Variants in RAB38 observed in about 807,000 individuals in gnomAD.
RAB38 encodes RAB38, member RAS oncogene family, also known as ras-related protein Rab-38.
A neutral mutation model predicts 18.4 loss-of-function variants in RAB38; 15 were observed. The ratio of observed to expected loss-of-function variants is 0.82; its 90% CI spans 0.55 to 1.26. The LOEUF is 1.26. Ranked by LOEUF, RAB38 falls within the 50% of genes most tolerant of loss-of-function variation. The probability of loss-of-function intolerance (pLI) is 0.00; values close to 1 mark genes in which losing one functional copy is unlikely to be tolerated. For synonymous variants in RAB38, 101 were observed against 104.4 expected (o/e 0.97, Z 0.20); for missense variants, 294 against 267.4 (o/e 1.10, Z -0.69).
At chr11:88,119,257 A>G (rs981519711) in intron 2 of RAB38, among the ~76,000 whole-genome samples, 1 of 152,126 alleles carries the variant, frequency 6.6e-6, no homozygotes, top group Non-Finnish European at 1.5e-5. Flanking sequence ...AGGCATGGTG[A>G]TGGGATTCAT....
chr11:88,121,007 C>T (rs1021149730), intron 2 of RAB38, among the ~76,000 whole-genome samples: 1 of 152,200 alleles, frequency 6.6e-6, no homozygotes, highest in African/African-American at 2.4e-5. Context: ...ATCACACAGG[C>T]TACTGAGCCT....
At chr11:88,053,859 T>C in the RAB38 span, among the ~76,000 whole-genome samples, 2 of 151,752 alleles carry the variant, frequency 1.3e-5, no homozygotes, top group African/African-American at 2.4e-5. Context: ...AATGTTTGAA[T>C]GAATAAGATG....
the RAB38 span, among the ~76,000 whole-genome samples, chr11:87,903,993 T>C: frequency 6.6e-6 from 1 of 151,736 alleles, no homozygotes; most frequent in Non-Finnish European, 1.5e-5. Context: ...TTGTGAATTC[T>C]ATGTATTATT....
chr11:88,155,496 A>C (rs977202545), intron 1 of RAB38, among the ~76,000 whole-genome samples: 1 of 152,226 alleles, frequency 6.6e-6, no homozygotes, highest in Non-Finnish European at 1.5e-5. Flanking sequence ...GGAAAGAAAA[A>C]AATAGCAATA....
At chr11:88,100,662 T>C in the RAB38 span, among the ~76,000 whole-genome samples, 1 of 151,978 alleles carries the variant, frequency 6.6e-6, no homozygotes, top group Non-Finnish European at 1.5e-5. Flanking sequence ...GGAAAGTACA[T>C]TTTATTGCCA....
At chr11:88,069,349 C>A in the RAB38 span, among the ~76,000 whole-genome samples, 13 of 152,202 alleles carry the variant, frequency 8.5e-5, no homozygotes, top group Non-Finnish European at 1.6e-4. Flanking sequence ...TGGGCTCCCA[C>A]GTGGCCCAAG....
the RAB38 span, among the ~76,000 whole-genome samples, chr11:88,066,543 G>C: frequency 6.6e-6 from 1 of 152,142 alleles, no homozygotes. Flanking sequence ...AAATAACAAA[G>C]TATAAATATG....
At chr11:88,047,172 C>T in the RAB38 span, among the ~76,000 whole-genome samples, 1 of 152,150 alleles carries the variant, frequency 6.6e-6, no homozygotes, top group South Asian at 2.1e-4. Context: ...TTTCTGCTCC[C>T]CCGGCTCCTT....
chr11:87,841,030 A>G, the RAB38 span, among the ~76,000 whole-genome samples: 2 of 152,290 alleles, frequency 1.3e-5, no homozygotes, highest in East Asian at 3.9e-4. Context: ...TCTGAGCCTC[A>G]TGTTCATTGC....
At chr11:88,025,924 T>C in the RAB38 span, among the ~76,000 whole-genome samples, 2 of 152,148 alleles carry the variant, frequency 1.3e-5, no homozygotes, top group African/African-American at 4.8e-5. Context: ...TTTGAGGACT[T>C]ACTCATAAAT....
chr11:87,933,064 A>C, the RAB38 span, among the ~76,000 whole-genome samples: 1 of 152,098 alleles, frequency 6.6e-6, no homozygotes, highest in East Asian at 1.9e-4. Flanking sequence ...TCACGTATGG[A>C]GGTTCATCTT....
the RAB38 span, among the ~76,000 whole-genome samples, chr11:87,921,324 C>G: frequency 6.6e-6 from 1 of 151,818 alleles, no homozygotes; most frequent in Non-Finnish European, 1.5e-5. Context: ...AGCTCCCAGT[C>G]GTTCAGCCAT....
chr11:87,934,734 C>T, the RAB38 span, among the ~76,000 whole-genome samples: 5 of 151,820 alleles, frequency 3.3e-5, no homozygotes, highest in South Asian at 1.0e-3. Context: ...ATATTAAAGT[C>T]TGATCAGGAA....
At chr11:87,865,324 G>A in the RAB38 span, among the ~76,000 whole-genome samples, 1 of 151,662 alleles carries the variant, frequency 6.6e-6, no homozygotes, top group African/African-American at 2.4e-5. Flanking sequence ...AATCACAAGG[G>A]TCTTTATAAA....
At chr11:87,843,643 G>A in the RAB38 span, among the ~76,000 whole-genome samples, 1 of 152,182 alleles carries the variant, frequency 6.6e-6, no homozygotes, top group African/African-American at 2.4e-5. Context: ...AATTTTGTAT[G>A]TGTTACTTAA....
chr11:88,094,241 A>G, the RAB38 span, among the ~76,000 whole-genome samples: 2 of 151,918 alleles, frequency 1.3e-5, no homozygotes, highest in Non-Finnish European at 1.5e-5. Context: ...TCCTAGATAG[A>G]TACACAGCTA....
chr11:87,825,748 A>G, the RAB38 span, among the ~76,000 whole-genome samples: 1 of 152,088 alleles, frequency 6.6e-6, no homozygotes, highest in Non-Finnish European at 1.5e-5. Context: ...GGAAGGATGT[A>G]GAGAAAAAGT....
chr11:88,083,163 C>G, the RAB38 span, among the ~76,000 whole-genome samples: 1 of 151,740 alleles, frequency 6.6e-6, no homozygotes, highest in Non-Finnish European at 1.5e-5. Flanking sequence ...AAAATATTAT[C>G]GTTACAATAA....
intron 2 of RAB38, among the ~76,000 whole-genome samples, chr11:88,133,982 T>C (rs184668108): frequency 4.6e-5 from 7 of 152,326 alleles, no homozygotes; most frequent in Admixed American, 3.9e-4. Flanking sequence ...TTCTCTTTTC[T>C]ATCTATACTC....
Sources: gnomAD v4.1 joint callset for allele counts (sites outside exome capture counted in the v4.1 genomes callset) on GRCh38, gnomAD v4.1.1 for gene constraint, MANE v1.5 for transcripts, NCBI Gene and HGNC (gene_info 2026-07-23, HGNC 2026-07-21) for gene names.